Variants in CSMD1 observed in about 807,000 individuals in gnomAD.
CSMD1 encodes the protein CUB and sushi domain-containing protein 1.
CSMD1 carries 213 observed loss-of-function variants against 417.5 expected under a neutral mutation model. That is an observed-to-expected ratio of 0.51 (90% CI 0.46 to 0.57). CSMD1 has a LOEUF of 0.57. Ranked by LOEUF, CSMD1 falls within the 20% of genes least tolerant of loss-of-function variation. The pLI is 0.00. For synonymous variants in CSMD1, 2,862 were observed against 1,736.8 expected (o/e 1.65, Z -16.11); for missense variants, 6,923 against 4,529.7 (o/e 1.53, Z -15.17).
intron 2 of CSMD1, among the ~76,000 whole-genome samples, chr8:4,618,954 T>C (rs1801626268): frequency 6.6e-6 from 1 of 152,172 alleles, no homozygotes; most frequent in Non-Finnish European, 1.5e-5. Context: ...ATATTTTATT[T>C]CTAGTAAACA....
chr8:3,675,485 T>C (rs998270012), intron 7 of CSMD1, among the ~76,000 whole-genome samples: 1 of 152,212 alleles, frequency 6.6e-6, no homozygotes, highest in Non-Finnish European at 1.5e-5. Context: ...TGAATATTTG[T>C]GTCCCACCAA....
rs533279516 is a variant in CSMD1 at position 4,887,673 on chromosome 8, CTTTA to C, written c.85+106655_85+106658del. 2.6e-4 allele frequency among the ~76,000 whole-genome samples: 40 copies of C among 151,424 alleles called. 1 individual carries two copies. The highest frequency in any genetic ancestry group is 6.3e-4 in the African/African-American group (26 of 41,202). On this transcript the variant is annotated intron_variant, in intron 1 of 69. Transcript: ENST00000635120. ...ACTGGTTTTGCTTTATTTATATTTGCTTTATTTATTTATTTATTTGCTTTATTTG... is the reference window on the plus strand; with the variant it reads ...ACTGGTTTTGCTTTATTTATATTTGCTTTATTTATTTATTTGCTTTATTTG...
intron 1 of CSMD1, among the ~76,000 whole-genome samples, chr8:4,810,657 A>C (rs557494115): frequency 1.3e-5 from 2 of 151,034 alleles, no homozygotes; most frequent in East Asian, 3.9e-4. Flanking sequence ...TATTACATAG[A>C]AAATTTCATA....
intron 2 of CSMD1, among the ~76,000 whole-genome samples, chr8:4,438,319 G>C (rs1026634701): frequency 6.6e-6 from 1 of 152,266 alleles, no homozygotes; most frequent in South Asian, 2.1e-4. Context: ...GTCTGAAGCA[G>C]CACCAAATCT....
rs139480754 is a variant in CSMD1, at chr8:3,505,231, G to C, written c.1345-11505C>G. On this transcript the variant is annotated intron_variant, in intron 10 of 69. Coordinates refer to ENST00000635120, the MANE Select transcript of CSMD1 (RefSeq NM_033225.6). ...AAGTCGCAATGCAATAATGGATATA[G>C]AATAAACCAGAACACTGTTAGATGC... 4.5e-4 allele frequency among the ~76,000 whole-genome samples: 68 copies of C among 152,196 alleles called. 2 individuals are homozygous for C. In the East Asian group the frequency reaches 8.7e-3, roughly 20 times the overall value.
chr8:4,320,211 G>T (rs761934935), intron 3 of CSMD1, among the ~76,000 whole-genome samples: 1 of 152,038 alleles, frequency 6.6e-6, no homozygotes, highest in African/African-American at 2.4e-5. Context: ...GTGATATCTC[G>T]CATCTAAGCA....
At chr8:3,343,250 T>C in intron 23 of CSMD1, 44 bp downstream of exon 23, 1 of 1,557,632 alleles carries the variant, frequency 6.4e-7, no homozygotes, top group Non-Finnish European at 8.8e-7. Flanking sequence ...AGATATGTCC[T>C]GACAAAATGA....
intron 5 of CSMD1, among the ~76,000 whole-genome samples, chr8:3,890,747 C>T (rs1806915633): frequency 6.6e-6 from 1 of 152,130 alleles, no homozygotes; most frequent in Admixed American, 6.5e-5. Flanking sequence ...TAGCATGTGG[C>T]TCTGTTGTCT....
chr8:3,558,587 T>TGTCCACTCCTCCAATGATGAATAGTGC (rs1799310390), intron 10 of CSMD1, among the ~76,000 whole-genome samples: 3 of 62,500 alleles, frequency 4.8e-5, no homozygotes, highest in Non-Finnish European at 1.1e-4. Context: ...ATGAATGGTG[T>TGTCCACTCCTCCAATGATGAATAGTGC]CTCAATAGTA....
chr8:4,788,012 C>G (rs1275108818), intron 1 of CSMD1: 2 of 1,590,282 alleles, frequency 1.3e-6, no homozygotes, highest in Non-Finnish European at 1.7e-6. Flanking sequence ...ATCGGGATCT[C>G]AAAGAAGTAA....
chr8:2,975,743 G>C (rs1804856080), intron 55 of CSMD1, among the ~76,000 whole-genome samples: 1 of 152,050 alleles, frequency 6.6e-6, no homozygotes, highest in Non-Finnish European at 1.5e-5. Context: ...ATCAGACATG[G>C]AGCTCAGCTG....
At chr8:3,207,446 A>G (rs924265304) in intron 30 of CSMD1, among the ~76,000 whole-genome samples, 16 of 152,016 alleles carry the variant, frequency 1.1e-4, no homozygotes, top group South Asian at 6.2e-4. Context: ...TCCGGCCACA[A>G]TGGCAATTTT....
intron 5 of CSMD1, among the ~76,000 whole-genome samples, chr8:3,951,353 G>T (rs1202058358): frequency 6.6e-6 from 1 of 152,142 alleles, no homozygotes; most frequent in Non-Finnish European, 1.5e-5. Flanking sequence ...AACGGAGCAG[G>T]AATTCAAGAA....
chr8:4,419,148 T>C (rs1385245163), intron 3 of CSMD1, among the ~76,000 whole-genome samples: 1 of 152,194 alleles, frequency 6.6e-6, no homozygotes, highest in African/African-American at 2.4e-5. Context: ...GTGTGTGTTG[T>C]AAATAGGAAT....
chr8:3,706,859 A>T (rs11986736), intron 7 of CSMD1, among the ~76,000 whole-genome samples: 1 of 151,818 alleles, frequency 6.6e-6, no homozygotes, highest in South Asian at 2.1e-4. Flanking sequence ...ATTTTTAAAA[A>T]ACCCTTTATT....
At chr8:4,972,610 C>G (rs1810309560) in intron 1 of CSMD1, among the ~76,000 whole-genome samples, 1 of 152,086 alleles carries the variant, frequency 6.6e-6, no homozygotes, top group African/African-American at 2.4e-5. Flanking sequence ...TCAGGCAGTT[C>G]TTTATAGCAG....
chr8:2,971,765 T>C (rs1299979634), intron 57 of CSMD1, among the ~76,000 whole-genome samples: 2 of 152,316 alleles, frequency 1.3e-5, no homozygotes, highest in Middle Eastern at 3.4e-3. Flanking sequence ...ATTTATAGTG[T>C]CATACTTCAG....
chr8:4,480,404 T>C (rs1228895548), intron 2 of CSMD1, among the ~76,000 whole-genome samples: 3 of 152,184 alleles, frequency 2.0e-5, no homozygotes. Context: ...TTTAAGTTTG[T>C]AAAGCGCGTT....
In CSMD1 at chr8:3,321,362, C is replaced by A. The variant is rs147282181; in HGVS notation, c.3632-12859G>T. Reference sequence around the variant, plus strand: ...GTGCCGTAGTATTGTCCAGATCCTCCCTGCCCTTTAAGATCAAGCTCCCTT... The same window carrying A: ...GTGCCGTAGTATTGTCCAGATCCTCACTGCCCTTTAAGATCAAGCTCCCTT... On this transcript the variant is annotated intron_variant, in intron 23 of 69. Coordinates refer to ENST00000635120, the MANE Select transcript of CSMD1 (RefSeq NM_033225.6). Among the ~76,000 whole-genome samples, 402 of 152,260 alleles carry A rather than the reference C, an allele frequency of 2.6e-3. 2 individuals are homozygous for A. The highest frequency in any genetic ancestry group is 9.1e-3 in the African/African-American group (378 of 41,538).
Sources: gnomAD v4.1 joint callset for allele counts (sites outside exome capture counted in the v4.1 genomes callset) on GRCh38, gnomAD v4.1.1 for gene constraint, MANE v1.5 for transcripts, NCBI Gene and HGNC (gene_info 2026-07-23, HGNC 2026-07-21) for gene names.